MTA3: variants seen among roughly 807,000 people sequenced by gnomAD.
MTA3 encodes the protein metastasis-associated protein MTA3.
In MTA3, 34 loss-of-function variants were observed where a neutral mutation model predicts 83.5. The ratio of observed to expected loss-of-function variants is 0.41; its 90% CI spans 0.31 to 0.54. MTA3 has a LOEUF of 0.54. MTA3 is among the 20% of genes least tolerant of loss of function. The pLI is 0.33. For synonymous variants in MTA3, 303 were observed against 252.7 expected, an observed-to-expected ratio of 1.20 and a Z score of -1.89; for missense variants, 761 against 726.4, an observed-to-expected ratio of 1.05 and a Z score of -0.55.
At chr2:42,687,899 G>C (rs1692533431) in intron 9 of MTA3, among the ~76,000 whole-genome samples, 1 of 152,188 alleles carries the variant, frequency 6.6e-6, no homozygotes, top group Non-Finnish European at 1.5e-5. Context: ...AGGGCAAGGT[G>C]TGTGTTTGTG....
At chr2:42,527,052 C>CAAAAAAAAAAAA (rs34030475) in intron 2 of MTA3, among the ~76,000 whole-genome samples, 2 of 45,334 alleles carry the variant, frequency 4.4e-5, no homozygotes, top group African/African-American at 8.9e-5. Flanking sequence ...GACTCTGTCT[C>CAAAAAAAAAAAA]AAAAAAAAAA....
intron 2 of MTA3, among the ~76,000 whole-genome samples, chr2:42,496,892 A>G (rs1408412769): frequency 6.6e-6 from 1 of 152,196 alleles, no homozygotes; most frequent in Non-Finnish European, 1.5e-5. Flanking sequence ...CATTTTCATC[A>G]GGGCATTCCC....
intron 4 of MTA3, among the ~76,000 whole-genome samples, chr2:42,616,894 C>G (rs1220471364): frequency 1.3e-5 from 2 of 152,136 alleles, no homozygotes; most frequent in African/African-American, 4.8e-5. Context: ...TGAGTAATAT[C>G]TTCTTAATTG....
Position 42,644,132 on chromosome 2 carries a change from C to G in MTA3, c.387C>G (p.Thr129=), listed in dbSNP as rs368210494. Residue 129 remains threonine, a synonymous_variant, in exon 6 of 17, where the codon ACC becomes ACG. Transcript: ENST00000405094. ...TATTTTGTCATATTTTTCAGGATAC[C>G]TTCTTCTACTCATTGGTCTATGACC... ...SVLSYLDKED[T]FFYSLVYDPS... is the part of the protein sequence containing the mutation. The G allele has an allele frequency of 6.3e-7, 1 of 1,586,564 alleles. No homozygotes were observed. The highest frequency in any genetic ancestry group is 1.8e-5 in the Admixed American group (1 of 55,824).
In MTA3 at chr2:42,582,108, A is replaced by G. The variant is rs567425507; in HGVS notation, c.190+2908A>G. On this transcript the variant is annotated intron_variant, in intron 3 of 16. Coordinates refer to ENST00000405094, the MANE Select transcript of MTA3 (RefSeq NM_001330442.2). Reference sequence around the variant, plus strand: ...AGTCTTGCTGTGTCGCCCAGGCTGGAGTGTAGTGGCGCGATCTTGGCTCAC... The same window carrying G: ...AGTCTTGCTGTGTCGCCCAGGCTGGGGTGTAGTGGCGCGATCTTGGCTCAC... Among the ~76,000 whole-genome samples, 13 of 150,984 alleles carry G rather than the reference A, an allele frequency of 8.6e-5. 1 individual carries two copies. Among genetic ancestry groups the G allele is most frequent in the African/African-American group, 3.2e-4 (13 of 40,984 alleles).
intron 3 of MTA3, among the ~76,000 whole-genome samples, chr2:42,597,325 A>G (rs1210693461): frequency 6.6e-6 from 1 of 150,632 alleles, no homozygotes; most frequent in Non-Finnish European, 1.5e-5. Flanking sequence ...TAATCCTCCC[A>G]AGGTGTTGGG....
chr2:42,712,245 C>T (rs7607444), intron 14 of MTA3, among the ~76,000 whole-genome samples: 3,247 of 152,064 alleles, frequency 0.021, 112 homozygotes, highest in African/African-American at 0.074. Flanking sequence ...GTAAGGGAAC[C>T]TGGGAGGGTG....
At chr2:42,658,144 C>T (rs1179126726) in intron 7 of MTA3, among the ~76,000 whole-genome samples, 2 of 144,910 alleles carry the variant, frequency 1.4e-5, no homozygotes, top group Non-Finnish European at 3.0e-5. Context: ...ATACCACTGC[C>T]AATCCACCAG....
chr2:42,556,050 C>T (rs565200026), intron 2 of MTA3, among the ~76,000 whole-genome samples: 13 of 151,236 alleles, frequency 8.6e-5, no homozygotes, highest in African/African-American at 1.9e-4. Flanking sequence ...CCAGCCTGGG[C>T]GACAGAGCGA....
chr2:42,570,746 C>T (rs776151791), intron 2 of MTA3, among the ~76,000 whole-genome samples: 1 of 151,916 alleles, frequency 6.6e-6, no homozygotes, highest in African/African-American at 2.4e-5. Flanking sequence ...TGCGGTGGCT[C>T]ATGCCTGTAA....
intron 4 of MTA3, among the ~76,000 whole-genome samples, chr2:42,612,468 G>A (rs968602879): frequency 6.6e-6 from 1 of 152,054 alleles, no homozygotes; most frequent in Non-Finnish European, 1.5e-5. Flanking sequence ...TGCCCACCTT[G>A]GCCTCCCAAA....
intron 3 of MTA3, among the ~76,000 whole-genome samples, chr2:42,607,407 T>C (rs1683609019): frequency 6.6e-6 from 1 of 152,154 alleles, no homozygotes; most frequent in Non-Finnish European, 1.5e-5. Context: ...CGACATAGGG[T>C]CTTGCTGTAT....
intron 7 of MTA3, chr2:42,659,547 G>T: frequency 4.4e-6 from 1 of 228,500 alleles, no homozygotes; most frequent in South Asian, 1.6e-4. Flanking sequence ...TTGATTTCAT[G>T]ATAACGACCT....
At chr2:42,747,688 C>G (rs1189896324) in intron 16 of MTA3, among the ~76,000 whole-genome samples, 1 of 151,990 alleles carries the variant, frequency 6.6e-6, no homozygotes, top group Non-Finnish European at 1.5e-5. Context: ...CAGAATCTCT[C>G]TCTTTGACCA....
chr2:42,710,396 C>A (rs181791510), intron 14 of MTA3, among the ~76,000 whole-genome samples: 1 of 151,502 alleles, frequency 6.6e-6, no homozygotes, highest in Non-Finnish European at 1.5e-5. Flanking sequence ...ACTAAATATA[C>A]AAAAATTAGC....
intron 12 of MTA3, among the ~76,000 whole-genome samples, chr2:42,706,647 T>C (rs1666110593): frequency 6.6e-6 from 1 of 152,244 alleles, no homozygotes; most frequent in Non-Finnish European, 1.5e-5. Flanking sequence ...AATTAACTTA[T>C]GTCTCAACCT....
chr2:42,692,510 C>A (rs1692993588), intron 9 of MTA3, among the ~76,000 whole-genome samples: 2 of 151,786 alleles, frequency 1.3e-5, no homozygotes, highest in Non-Finnish European at 2.9e-5. Flanking sequence ...CTGTAACCTC[C>A]ACCTCCCGGG....
intron 2 of MTA3, among the ~76,000 whole-genome samples, chr2:42,543,061 TAGGAC>T (rs1179310192): frequency 2.0e-5 from 3 of 152,002 alleles, no homozygotes; most frequent in African/African-American, 7.2e-5. Flanking sequence ...GACAAATTCT[TAGGAC>T]AGGGAGATGA....
At chr2:42,585,174 C>G (rs1168348897) in intron 3 of MTA3, among the ~76,000 whole-genome samples, 2 of 152,144 alleles carry the variant, frequency 1.3e-5, no homozygotes, top group Non-Finnish European at 2.9e-5. Context: ...ACTGCAACCT[C>G]CACCTCCTGG....
Sources: gnomAD v4.1 joint callset for allele counts (sites outside exome capture counted in the v4.1 genomes callset) on GRCh38, gnomAD v4.1.1 for gene constraint, MANE v1.5 for transcripts, NCBI Gene and HGNC (gene_info 2026-07-23, HGNC 2026-07-21) for gene names.